Variants in GAK observed in about 807,000 individuals in gnomAD.
The protein encoded by GAK is cyclin-G-associated kinase.
GAK carries 79 observed loss-of-function variants against 143.9 expected under a neutral mutation model. That is an observed-to-expected ratio of 0.55 (90% CI 0.46 to 0.66). GAK has a LOEUF of 0.66. GAK is among the 30% of genes least tolerant of loss of function. The probability of loss-of-function intolerance (pLI) is 0.00; values close to 1 mark genes in which losing one functional copy is unlikely to be tolerated. For missense variants in GAK, 1,693 were observed against 1,779.7 expected, an observed-to-expected ratio of 0.95 and a Z score of 0.88; for synonymous variants, 881 against 765.5, an observed-to-expected ratio of 1.15 and a Z score of -2.49.
chr4:881,361 C>A (rs990923622), intron 15 of GAK, among the ~76,000 whole-genome samples: 1 of 152,228 alleles, frequency 6.6e-6, no homozygotes, highest in Non-Finnish European at 1.5e-5. Context: ...CTGGGGTGGA[C>A]TCCTCGGGCG....
chr4:921,426 CA>C (rs1723911933), intron 1 of GAK, among the ~76,000 whole-genome samples: 1 of 152,184 alleles, frequency 6.6e-6, no homozygotes, highest in Admixed American at 6.5e-5. Flanking sequence ...GGCACAGAAG[CA>C]ACTCCATGGA....
intron 7 of GAK, among the ~76,000 whole-genome samples, chr4:895,517 C>T (rs1718599165): frequency 6.6e-6 from 1 of 152,218 alleles, no homozygotes; most frequent in East Asian, 1.9e-4. Context: ...GCCTACAGCC[C>T]ACATACTGTC....
chr4:864,252 T>C lies in GAK; in HGVS notation c.3166+870A>G, dbSNP rs534524359. 2.0e-5 allele frequency among the ~76,000 whole-genome samples: 3 copies of C among 152,256 alleles called. No individual in the cohort carries two copies. In the South Asian group the frequency reaches 6.2e-4, roughly 32 times the overall value. On this transcript the variant is annotated intron_variant, in intron 23 of 27. Transcript: ENST00000314167. Reference sequence around the variant, plus strand: ...GGCACATGCCTGTAGTCCCAGTTACTCAGGAGGCTGGGGTGGGAGGATCGC... The same window carrying C: ...GGCACATGCCTGTAGTCCCAGTTACCCAGGAGGCTGGGGTGGGAGGATCGC...
rs185188703 is a variant in GAK at position 891,569 on chromosome 4, C to T, written c.991-947G>A. On this transcript the variant is annotated intron_variant, in intron 9 of 27. Coordinates refer to ENST00000314167, the MANE Select transcript of GAK (RefSeq NM_005255.4). ...TCTAACGTCTGTCCCCACGGGGTCC[C>T]GGCCTAGAAGCACTCAGATGAGAAG... Among the ~76,000 whole-genome samples the T allele has an allele frequency of 2.2e-3, 338 of 152,172 alleles. 3 individuals are homozygous for T. Among genetic ancestry groups the T allele is most frequent in the African/African-American group, 7.9e-3 (329 of 41,508 alleles).
intron 1 of GAK, among the ~76,000 whole-genome samples, chr4:918,177 G>A (rs1368557199): frequency 3.3e-5 from 5 of 152,208 alleles, no homozygotes; most frequent in Admixed American, 3.3e-4. Context: ...CAAGGTTGGT[G>A]TAACATTAAA....
At chr4:857,623 C>G (rs965149676) in intron 24 of GAK, among the ~76,000 whole-genome samples, 5 of 152,190 alleles carry the variant, frequency 3.3e-5, no homozygotes, top group Non-Finnish European at 1.5e-5. Flanking sequence ...CCTCGTAGAG[C>G]CTGCGGGGTC....
At chr4:892,250 G>A (rs1717819742) in intron 9 of GAK, among the ~76,000 whole-genome samples, 1 of 152,184 alleles carries the variant, frequency 6.6e-6, no homozygotes, top group South Asian at 2.1e-4. Context: ...ACCAGGGAGT[G>A]GAAACGACCC....
chr4:888,663 G>A (rs1030046977), intron 11 of GAK, 184 bp downstream of exon 11: 11 of 686,910 alleles, frequency 1.6e-5, no homozygotes, highest in Non-Finnish European at 2.6e-5. Flanking sequence ...GGATCTGCCT[G>A]GCTCTGTGGG....
Position 881,889 on chromosome 4 carries a change from CG to C in GAK, c.1661+17del, listed in dbSNP as rs1419966038. 6 of 1,563,640 alleles carry C rather than the reference CG, an allele frequency of 3.8e-6. No homozygotes were observed. The African/African-American group carries it at 6.8e-5, about 18-fold the overall frequency. The stretch of plus-strand genomic sequence containing the variant: ...GGCCCACAGAGCTGTCCCCTGTCCC[CG>C]GAGGGCCACGCAGTACCTTTTGTGG... On this transcript the variant is annotated intron_variant, in intron 15 of 27. Coordinates refer to ENST00000314167, the MANE Select transcript of GAK (RefSeq NM_005255.4).
chr4:884,325 A>G (rs921248889), intron 11 of GAK: 8 of 530,618 alleles, frequency 1.5e-5, no homozygotes, highest in East Asian at 3.4e-5. Context: ...TGGTGGAGGC[A>G]TGGGTGAGAC....
chr4:914,433 C>T (rs866450280), intron 1 of GAK, among the ~76,000 whole-genome samples: 5 of 99,656 alleles, frequency 5.0e-5, no homozygotes, highest in African/African-American at 1.3e-4. Flanking sequence ...ACAGCCCCAG[C>T]GTGCACGGCC....
At chr4:903,076 T>A (rs1381765700) in intron 5 of GAK, among the ~76,000 whole-genome samples, 1 of 150,656 alleles carries the variant, frequency 6.6e-6, no homozygotes, top group Non-Finnish European at 1.5e-5. Flanking sequence ...AGCAGCCACA[T>A]CACATGGAAA....
intron 7 of GAK, chr4:894,362 G>A (rs1414778324): frequency 4.6e-6 from 1 of 215,624 alleles, no homozygotes; most frequent in African/African-American, 2.4e-5. Context: ...GGTGACGTCG[G>A]AGCCGTGGGG....
At chr4:920,998 T>G (rs1577320640) in intron 1 of GAK, among the ~76,000 whole-genome samples, 2 of 152,244 alleles carry the variant, frequency 1.3e-5, no homozygotes, top group Non-Finnish European at 2.9e-5. Context: ...ACAGCTAAAT[T>G]AATCAAGGCT....
chr4:925,240 G>C (rs1047863584), intron 1 of GAK, among the ~76,000 whole-genome samples: 1 of 152,158 alleles, frequency 6.6e-6, no homozygotes, highest in African/African-American at 2.4e-5. Context: ...GGGACACTCT[G>C]AGGACTTGGG....
At chr4:904,442 ACCCGCACACAGAGG>A (rs1359249845) in intron 5 of GAK, among the ~76,000 whole-genome samples, 181 bp downstream of exon 5, 2 of 136,160 alleles carry the variant, frequency 1.5e-5, no homozygotes, top group African/African-American at 5.7e-5. Flanking sequence ...ACCGAGCGGG[ACCCGCACACAGAGG>A]CCTCAGCAGC....
At chr4:879,235 C>T (rs77689311) in intron 15 of GAK, among the ~76,000 whole-genome samples, 6,317 of 152,240 alleles carry the variant, frequency 0.041, 156 homozygotes, top group East Asian at 0.095. Flanking sequence ...CCTCTGCCTC[C>T]GTGCTGAAAG....
intron 3 of GAK, chr4:912,486 G>C (rs1342075866): frequency 4.4e-6 from 2 of 450,042 alleles, no homozygotes; most frequent in Non-Finnish European, 8.2e-6. Context: ...AGACCTCTTG[G>C]GTAGGAACAA....
intron 24 of GAK, among the ~76,000 whole-genome samples, chr4:854,871 C>T (rs1748858166): frequency 1.3e-5 from 2 of 152,182 alleles, no homozygotes; most frequent in Admixed American, 1.3e-4. Flanking sequence ...CGGTGAAACC[C>T]CATCTCTACT....
Sources: gnomAD v4.1 joint callset for allele counts (sites outside exome capture counted in the v4.1 genomes callset) on GRCh38, gnomAD v4.1.1 for gene constraint, MANE v1.5 for transcripts, NCBI Gene and HGNC (gene_info 2026-07-23, HGNC 2026-07-21) for gene names.